FAM13A: variants seen among roughly 807,000 people sequenced by gnomAD.
FAM13A encodes protein FAM13A.
In FAM13A, 76 loss-of-function variants were observed where a neutral mutation model predicts 129.6. The ratio of observed to expected loss-of-function variants is 0.59; its 90% CI spans 0.49 to 0.71. The LOEUF (loss-of-function observed/expected upper bound fraction) is 0.71. FAM13A is among the 30% of genes least tolerant of loss of function. FAM13A has a pLI of 0.00. For synonymous variants in FAM13A, 443 were observed against 449.9 expected (o/e 0.98, Z 0.20); for missense variants, 1,108 against 1,249.3 (o/e 0.89, Z 1.70).
At chr4:88,738,969 T>C in intron 20 of FAM13A, 61 bp downstream of exon 20, 2 of 1,064,142 alleles carry the variant, frequency 1.9e-6, no homozygotes, top group Non-Finnish European at 2.9e-6. Flanking sequence ...CCTATTCATA[T>C]ATCCAGGGCC....
At chr4:88,732,311 T>C (rs1738004959) in intron 21 of FAM13A, 113 bp from the exon 22 acceptor site, 1 of 713,538 alleles carries the variant, frequency 1.4e-6, no homozygotes, top group East Asian at 2.7e-5. Context: ...GTTTCTTCTG[T>C]ATCTACATTT....
intron 1 of FAM13A, among the ~76,000 whole-genome samples, chr4:89,040,530 A>T (rs551695742): frequency 1.3e-5 from 2 of 152,334 alleles, no homozygotes; most frequent in South Asian, 4.1e-4. Context: ...ATAGAGACAT[A>T]GACAATCATA....
chr4:89,001,252 A>C (rs751123663), intron 3 of FAM13A, among the ~76,000 whole-genome samples: 1 of 152,202 alleles, frequency 6.6e-6, no homozygotes, highest in Non-Finnish European at 1.5e-5. Flanking sequence ...AAATGTATGA[A>C]GTCATCTGTG....
At chr4:88,889,347 CAAG>C (rs1007904558) in intron 6 of FAM13A, among the ~76,000 whole-genome samples, 1 of 152,008 alleles carries the variant, frequency 6.6e-6, no homozygotes, top group Non-Finnish European at 1.5e-5. Flanking sequence ...ATCCTCAGAC[CAAG>C]AAGAGCCATG....
intron 6 of FAM13A, among the ~76,000 whole-genome samples, chr4:88,887,803 G>A (rs1269411436): frequency 6.6e-6 from 1 of 152,072 alleles, no homozygotes; most frequent in Non-Finnish European, 1.5e-5. Flanking sequence ...AACGTGCTGG[G>A]ATTACAGGCG....
chr4:88,903,109 C>G (rs1425324309), intron 6 of FAM13A, among the ~76,000 whole-genome samples: 6 of 152,126 alleles, frequency 3.9e-5, no homozygotes, highest in Admixed American at 2.6e-4. Context: ...AGAGAGGACA[C>G]AAACAAATAT....
At chr4:88,918,467 T>C (rs1248227073) in intron 5 of FAM13A, among the ~76,000 whole-genome samples, 1 of 152,232 alleles carries the variant, frequency 6.6e-6, no homozygotes, top group Non-Finnish European at 1.5e-5. Context: ...ACACTGGAAT[T>C]TGAAGCCAGG....
intron 5 of FAM13A, among the ~76,000 whole-genome samples, chr4:88,912,248 T>C (rs1039167597): frequency 7.8e-5 from 8 of 102,868 alleles, no homozygotes; most frequent in Admixed American, 6.3e-4. Flanking sequence ...TCACCAAATG[T>C]TGCAGGCACC....
chr4:89,020,788 T>C, intron 2 of FAM13A, 119 bp from the exon 3 acceptor site: 1 of 670,340 alleles, frequency 1.5e-6, no homozygotes. Context: ...ACTGTAATTA[T>C]CAATCATTGT....
intron 1 of FAM13A, among the ~76,000 whole-genome samples, chr4:89,052,917 C>A (rs1771792495): frequency 6.6e-6 from 1 of 152,090 alleles, no homozygotes. Context: ...ACTATAATCT[C>A]ATCAAATAAC....
At position 88,726,616 on chromosome 4, in the gene FAM13A, A is replaced by G. The variant is rs948180950; in HGVS notation, c.*1917T>C. The G allele has an allele frequency of 1.3e-5, 2 of 150,738 alleles. No homozygotes were observed. The highest frequency in any genetic ancestry group is 2.0e-4 in the East Asian group (1 of 5,044). 9.3% of individuals were successfully genotyped at this position (150,738 alleles called of 1,614,324 possible). A position where few individuals can be genotyped will look rare whatever the true frequency, so the allele number is the denominator to read the frequency against. Reference sequence around the variant, plus strand: ...TCATAGCTTATTTAAGAGAGCTATTAAAGGACAGACTAGACATGTATTTTT... The same window carrying G: ...TCATAGCTTATTTAAGAGAGCTATTGAAGGACAGACTAGACATGTATTTTT... On this transcript the variant is annotated 3_prime_UTR_variant, in exon 24 of 24. Coordinates refer to ENST00000264344, the MANE Select transcript of FAM13A (RefSeq NM_014883.4).
Position 88,758,794 on chromosome 4 carries a change from C to T in FAM13A, c.1686G>A (p.Gln562=), listed in dbSNP as rs894309283. The change falls in exon 14 of 24, where the codon CAG becomes CAA. Residue 562 remains glutamine, a synonymous_variant. Transcript: ENST00000264344. ...CATCACACAATGCAGTCAGGTCCGA[C>T]TGGGGCACTTCGGAGACAAAGCTCT... ...QEESFVSEVP[Q]SDLTALCDEK... is the part of the protein sequence containing the mutation. 1.2e-6 allele frequency: 2 copies of T among 1,613,954 alleles called. No homozygotes were observed. The highest frequency in any genetic ancestry group is 1.7e-6 in the Non-Finnish European group (2 of 1,179,938).
chr4:88,903,986 G>A (rs1452907261), intron 6 of FAM13A, among the ~76,000 whole-genome samples: 1 of 152,152 alleles, frequency 6.6e-6, no homozygotes, highest in Non-Finnish European at 1.5e-5. Context: ...CTCAAAAGAA[G>A]ACATTTATGT....
In FAM13A at chr4:88,740,971, AC is replaced by A. The variant is rs1383497815; in HGVS notation, c.2467-1847del. Among the ~76,000 whole-genome samples, 5 of 152,356 alleles carry A rather than the reference AC, an allele frequency of 3.3e-5. No homozygotes were observed. The East Asian group carries it at 9.6e-4, about 29-fold the overall frequency. Reference sequence around the variant, plus strand: ...ACAGAAAAAGACTAAGGATCAAACCACAGATGTCACCCGCTACACACCTACC... The same window carrying A: ...ACAGAAAAAGACTAAGGATCAAACCAAGATGTCACCCGCTACACACCTACC... On this transcript the variant is annotated intron_variant, in intron 19 of 23. Transcript: ENST00000264344.
At chr4:88,767,521 C>G in intron 13 of FAM13A, 32 bp downstream of exon 13, 1 of 1,555,854 alleles carries the variant, frequency 6.4e-7, no homozygotes. Flanking sequence ...ACAGCCCCGT[C>G]ACAGTCTTAC....
chr4:88,747,677 T>G lies in FAM13A; in HGVS notation c.2336A>C (p.Lys779Thr). ...VEATLESIQR[K>T]LQEKRAESSR... The stretch of plus-strand genomic sequence containing the variant: ...GCTTTCCGCTCGCTTCTCCTGGAGC[T>G]TCCTCTGAATAGATTCCAATGTGGC... Residue 779 changes from lysine (K) to threonine (T), a missense_variant, in exon 18 of 24, where the codon AAG (lysine) becomes ACG (threonine). Around this residue, in one of 3 missense-constraint regions of FAM13A, gnomAD observed 529 missense variants for 621.2 expected, o/e 0.85. Transcript: ENST00000264344. 2 of 1,614,180 alleles carry G rather than the reference T, an allele frequency of 1.2e-6. No homozygotes were observed. Among genetic ancestry groups the G allele is most frequent in the Non-Finnish European group, 1.7e-6 (2 of 1,180,024 alleles).
chr4:88,807,496 C>G (rs1005834866), intron 7 of FAM13A, among the ~76,000 whole-genome samples: 2 of 152,114 alleles, frequency 1.3e-5, no homozygotes, highest in African/African-American at 4.8e-5. Flanking sequence ...GATGATGCAG[C>G]TAGTGATGTG....
chr4:88,866,635 G>GT (rs1740510976), intron 6 of FAM13A, among the ~76,000 whole-genome samples: 1 of 152,072 alleles, frequency 6.6e-6, no homozygotes, highest in South Asian at 2.1e-4. Context: ...CAATTCCAAT[G>GT]GAAATCAGGA....
chr4:88,988,325 T>C (rs532357730), intron 4 of FAM13A, among the ~76,000 whole-genome samples: 2 of 152,190 alleles, frequency 1.3e-5, no homozygotes, highest in African/African-American at 4.8e-5. Context: ...TTGGATCGTC[T>C]TCTGAGAAAA....
Sources: allele counts gnomAD v4.1 joint callset (sites outside exome capture counted in the v4.1 genomes callset), GRCh38; gene constraint gnomAD v4.1.1; regional missense constraint gnomAD v4.1.1; transcripts MANE v1.5; gene names NCBI Gene and HGNC (gene_info 2026-07-23, HGNC 2026-07-21).